Variants in ARID3B observed in about 807,000 individuals in gnomAD.
ARID3B encodes AT-rich interaction domain 3B, also known as AT-rich interactive domain-containing protein 3B.
A neutral mutation model predicts 51.9 loss-of-function variants in ARID3B; 10 were observed. The ratio of observed to expected loss-of-function variants is 0.19; its 90% CI spans 0.12 to 0.33. ARID3B has a LOEUF of 0.33. Among genes scored for constraint, ARID3B ranks in the 10% least tolerant of loss-of-function variants. The pLI, the probability that ARID3B is intolerant of heterozygous loss-of-function variation, is 1.00. For missense variants in ARID3B, 483 were observed against 716.3 expected, an observed-to-expected ratio of 0.67 and a Z score of 3.72; for synonymous variants, 205 against 279.5, an observed-to-expected ratio of 0.73 and a Z score of 2.66.
intron 5 of ARID3B, 45 bp downstream of exon 5, chr15:74,590,048 G>C (rs1173270874): frequency 6.5e-7 from 1 of 1,540,304 alleles, no homozygotes; most frequent in Non-Finnish European, 8.8e-7. Flanking sequence ...GCTGGAGAAA[G>C]GGGATGTTGT....
intron 4 of ARID3B, among the ~76,000 whole-genome samples, chr15:74,578,187 TG>T (rs201955229): frequency 2.0e-5 from 3 of 149,478 alleles, no homozygotes; most frequent in Admixed American, 6.7e-5. Flanking sequence ...TTGTTTTTTT[TG>T]TTTTAAGCAA....
At chr15:74,550,570 G>A (rs2061632920) in intron 2 of ARID3B, among the ~76,000 whole-genome samples, 2 of 151,948 alleles carry the variant, frequency 1.3e-5, no homozygotes, top group South Asian at 2.1e-4. Flanking sequence ...GCTGGGCGTG[G>A]TGGCAGGCGC....
chr15:74,560,642 G>A lies in ARID3B; in HGVS notation c.553-12220G>A, dbSNP rs555664029. Among the ~76,000 whole-genome samples, 20 of 152,286 alleles carry A rather than the reference G, an allele frequency of 1.3e-4. No homozygotes were observed. The South Asian group carries it at 3.9e-3, about 30-fold the overall frequency. On this transcript the variant is annotated intron_variant, in intron 2 of 8. Coordinates refer to ENST00000346246, the MANE Select transcript of ARID3B (RefSeq NM_006465.4). The stretch of plus-strand genomic sequence containing the variant: ...AAATTCGTAGTTAAAAAAATACCAT[G>A]GTGTCCTGTTGCCTGTCCTGTGTCC...
At position 74,595,945 on chromosome 15, in the gene ARID3B, T is replaced by G. The variant is rs2061823706; in HGVS notation, c.*171T>G. 3 of 780,782 alleles carry G rather than the reference T, an allele frequency of 3.8e-6. No homozygotes were observed. Among genetic ancestry groups the G allele is most frequent in the East Asian group, 2.8e-5 (1 of 35,426 alleles). 48.4% of individuals were successfully genotyped at this position (780,782 alleles called of 1,614,324 possible). ...GCTCCATTCAGGTCCTGCTGTACTCTGGGGGCAGGGAGAGGCTAGAGGGGC... is the reference window on the plus strand; with the variant it reads ...GCTCCATTCAGGTCCTGCTGTACTCGGGGGGCAGGGAGAGGCTAGAGGGGC... On this transcript the variant is annotated 3_prime_UTR_variant, in exon 9 of 9. Coordinates refer to ENST00000346246, the MANE Select transcript of ARID3B (RefSeq NM_006465.4).
chr15:74,557,237 A>G (rs894243741), intron 2 of ARID3B, among the ~76,000 whole-genome samples: 3 of 151,100 alleles, frequency 2.0e-5, no homozygotes, highest in African/African-American at 7.3e-5. Flanking sequence ...CAACATGATG[A>G]AACCCTGTCT....
chr15:74,580,483 G>A (rs2061757652), intron 4 of ARID3B, among the ~76,000 whole-genome samples: 5 of 152,296 alleles, frequency 3.3e-5, no homozygotes, highest in Admixed American at 3.3e-4. Context: ...TGATGATGAC[G>A]ATAATGGTGA....
At chr15:74,588,329 G>T (rs1481593646) in intron 4 of ARID3B, among the ~76,000 whole-genome samples, 1 of 152,046 alleles carries the variant, frequency 6.6e-6, no homozygotes, top group African/African-American at 2.4e-5. Context: ...TCTCTGGCTT[G>T]AACCATCCTG....
chr15:74,561,089 G>A (rs551090697), intron 2 of ARID3B, among the ~76,000 whole-genome samples: 39 of 152,230 alleles, frequency 2.6e-4, no homozygotes, highest in African/African-American at 8.9e-4. Context: ...CCAGCCCGTA[G>A]TTTGTCTTTC....
At chr15:74,558,126 C>G (rs1237264977) in intron 2 of ARID3B, among the ~76,000 whole-genome samples, 2 of 149,582 alleles carry the variant, frequency 1.3e-5, no homozygotes. Flanking sequence ...GGCCTTTCAA[C>G]TTACTTTTAT....
chr15:74,567,843 A>T (rs1019994369), intron 2 of ARID3B, among the ~76,000 whole-genome samples: 1 of 152,108 alleles, frequency 6.6e-6, no homozygotes, highest in Non-Finnish European at 1.5e-5. Context: ...TAGTCTGTTT[A>T]TTTCCCCTGT....
chr15:74,554,415 G>A (rs571865361), intron 2 of ARID3B, among the ~76,000 whole-genome samples: 40 of 152,126 alleles, frequency 2.6e-4, no homozygotes, highest in African/African-American at 8.9e-4. Flanking sequence ...CAGCCCTCCC[G>A]CCTCAGCCTC....
chr15:74,546,392 C>T (rs527453234), intron 2 of ARID3B, among the ~76,000 whole-genome samples: 14 of 152,296 alleles, frequency 9.2e-5, no homozygotes, highest in Admixed American at 3.3e-4. Context: ...CCAGCGTCTG[C>T]GTGTGTGCGG....
In ARID3B at chr15:74,541,273, G is replaced by C. The variant is rs866775108; in HGVS notation, c.-135G>C. 7.1e-6 allele frequency: 1 copy of C among 141,154 alleles called. No individual in the cohort carries two copies. Among genetic ancestry groups the C allele is most frequent in the South Asian group, 2.2e-4 (1 of 4,624 alleles). The allele number at this position is 141,154 out of a possible 1,614,324, so 8.7% of individuals were successfully genotyped here. A position where few individuals can be genotyped will look rare whatever the true frequency, so the allele number is the denominator to read the frequency against. ...GAGGAGTCCGAGACGCAGCTGCCGC[G>C]CCGGGGCCTGAGCTGCCGCCTCCTC... On this transcript the variant is annotated 5_prime_UTR_variant, in exon 1 of 9. Transcript: ENST00000346246.
intron 2 of ARID3B, among the ~76,000 whole-genome samples, chr15:74,561,508 C>T (rs1215997113): frequency 2.0e-5 from 3 of 152,172 alleles, no homozygotes; most frequent in Non-Finnish European, 4.4e-5. Flanking sequence ...ACCAGAATTA[C>T]AAGATCAGGA....
chr15:74,565,235 A>G (rs773916975), intron 2 of ARID3B, among the ~76,000 whole-genome samples: 4 of 151,454 alleles, frequency 2.6e-5, no homozygotes, highest in Admixed American at 1.3e-4. Context: ...TTAATTTTGT[A>G]GAGATGGAGT....
At chr15:74,554,116 C>T (rs1436527657) in intron 2 of ARID3B, among the ~76,000 whole-genome samples, 2 of 152,164 alleles carry the variant, frequency 1.3e-5, no homozygotes, top group Non-Finnish European at 2.9e-5. Flanking sequence ...ATGCCATTCT[C>T]CTGCCTCAGC....
chr15:74,570,026 G>A (rs1022979259), intron 2 of ARID3B, among the ~76,000 whole-genome samples: 2 of 152,160 alleles, frequency 1.3e-5, no homozygotes, highest in African/African-American at 4.8e-5. Context: ...GTCCAACAGT[G>A]GGATTACTCA....
intron 8 of ARID3B, among the ~76,000 whole-genome samples, chr15:74,594,057 A>C (rs1002472827): frequency 6.6e-6 from 1 of 152,052 alleles, no homozygotes; most frequent in African/African-American, 2.4e-5. Flanking sequence ...AAAAAAAAAA[A>C]AAACAAAACT....
intron 4 of ARID3B, among the ~76,000 whole-genome samples, chr15:74,589,504 C>A (rs1052785061): frequency 6.6e-6 from 1 of 152,040 alleles, no homozygotes; most frequent in Non-Finnish European, 1.5e-5. Flanking sequence ...ATACTGCCAG[C>A]AAAACAAAAA....
Sources: gnomAD v4.1 joint callset for allele counts (sites outside exome capture counted in the v4.1 genomes callset) on GRCh38, gnomAD v4.1.1 for gene constraint, MANE v1.5 for transcripts, NCBI Gene and HGNC (gene_info 2026-07-23, HGNC 2026-07-21) for gene names.